Variants in RGS6 observed in about 807,000 individuals in gnomAD.
The protein encoded by RGS6 is regulator of G-protein signaling 6.
RGS6 carries 30 observed loss-of-function variants against 78.5 expected under a neutral mutation model. The ratio of observed to expected loss-of-function variants is 0.38; its 90% CI spans 0.29 to 0.52. The LOEUF (loss-of-function observed/expected upper bound fraction) is 0.52, where lower values mean the gene tolerates loss of function less well. RGS6 is among the 20% of genes least tolerant of loss of function. The pLI, the probability that RGS6 is intolerant of heterozygous loss-of-function variation, is 0.85. For missense variants in RGS6, 495 were observed against 609.7 expected, an observed-to-expected ratio of 0.81 and a Z score of 1.98; for synonymous variants, 206 against 206.0, an observed-to-expected ratio of 1.00 and a Z score of 0.00.
At chr14:72,417,471 T>A (rs2093898873) in intron 3 of RGS6, among the ~76,000 whole-genome samples, 1 of 152,096 alleles carries the variant, frequency 6.6e-6, no homozygotes, top group East Asian at 1.9e-4. Flanking sequence ...GGCTGAAGAT[T>A]TGGGCCGTCT....
chr14:72,232,355 A>G (rs1254551294), intron 2 of RGS6, among the ~76,000 whole-genome samples: 2 of 152,190 alleles, frequency 1.3e-5, no homozygotes, highest in Non-Finnish European at 2.9e-5. Flanking sequence ...GGGTAGAAAG[A>G]GGAGCATTAG....
chr14:72,011,656 G>A (rs1390174261), intron 2 of RGS6, among the ~76,000 whole-genome samples: 1 of 152,090 alleles, frequency 6.6e-6, no homozygotes, highest in African/African-American at 2.4e-5. Context: ...ATTGTATTAG[G>A]TATTATAACT....
At chr14:72,109,070 T>TA (rs199774800) in intron 2 of RGS6, among the ~76,000 whole-genome samples, 4 of 151,816 alleles carry the variant, frequency 2.6e-5, no homozygotes, top group Non-Finnish European at 5.9e-5. Context: ...TAATTTTTTT[T>TA]AAAAAACTTG....
intron 2 of RGS6, among the ~76,000 whole-genome samples, chr14:72,334,467 C>G (rs1415491382): frequency 6.6e-6 from 1 of 152,220 alleles, no homozygotes; most frequent in Non-Finnish European, 1.5e-5. Flanking sequence ...TCACCCCTCC[C>G]CCATGAAACC....
At chr14:71,951,563 CATAAT>C (rs1170752892) in intron 1 of RGS6, among the ~76,000 whole-genome samples, 1 of 145,340 alleles carries the variant, frequency 6.9e-6, no homozygotes, top group Admixed American at 6.7e-5. Flanking sequence ...CAGAACTTAA[CATAAT>C]ATATAATTAA....
intron 16 of RGS6, among the ~76,000 whole-genome samples, chr14:72,538,626 C>T (rs928342314): frequency 6.6e-6 from 1 of 152,214 alleles, no homozygotes; most frequent in African/African-American, 2.4e-5. Context: ...CTGACTTGAG[C>T]CAAGTGTATG....
intron 2 of RGS6, among the ~76,000 whole-genome samples, chr14:72,317,430 A>G (rs1447492810): frequency 6.6e-6 from 1 of 152,098 alleles, no homozygotes; most frequent in Non-Finnish European, 1.5e-5. Context: ...TACTTCCTAG[A>G]GAAGCTTCCT....
chr14:72,196,314 GATTA>G (rs1413847817), intron 2 of RGS6, among the ~76,000 whole-genome samples: 7 of 152,120 alleles, frequency 4.6e-5, no homozygotes, highest in Non-Finnish European at 7.4e-5. Context: ...CCAGTTTATG[GATTA>G]ATTATTAAGA....
chr14:72,423,539 A>G (rs1180815924), intron 3 of RGS6, among the ~76,000 whole-genome samples: 1 of 152,356 alleles, frequency 6.6e-6, no homozygotes, highest in East Asian at 1.9e-4. Flanking sequence ...ATGGAGCTGG[A>G]GGCCATTATC....
At chr14:71,878,236 A>G in the RGS6 span, among the ~76,000 whole-genome samples, 1 of 152,202 alleles carries the variant, frequency 6.6e-6, no homozygotes, top group Non-Finnish European at 1.5e-5. Context: ...AAGTCTGCAG[A>G]AGTTTCTGAT....
chr14:71,875,885 C>T, the RGS6 span, among the ~76,000 whole-genome samples: 1 of 152,146 alleles, frequency 6.6e-6, no homozygotes, highest in African/African-American at 2.4e-5. Context: ...TTTATTTCTG[C>T]CTTCATCTCA....
intron 3 of RGS6, among the ~76,000 whole-genome samples, chr14:72,401,521 G>A (rs1448599373): frequency 6.6e-6 from 1 of 151,716 alleles, no homozygotes; most frequent in Non-Finnish European, 1.5e-5. Context: ...CGAGGGAAAG[G>A]GCAAAGAATG....
At chr14:72,540,708 G>A (rs1213787185) in intron 17 of RGS6, 12 of 1,347,110 alleles carry the variant, frequency 8.9e-6, no homozygotes, top group Non-Finnish European at 1.2e-5. Context: ...AGTGTGATAG[G>A]GAGAGGAGGG....
intron 2 of RGS6, among the ~76,000 whole-genome samples, chr14:72,167,624 A>C (rs1292267351): frequency 6.6e-6 from 1 of 152,142 alleles, no homozygotes; most frequent in East Asian, 1.9e-4. Flanking sequence ...TGATCTTCTT[A>C]TTTTACCTTT....
chr14:72,012,218 A>G (rs1264013296), intron 2 of RGS6, among the ~76,000 whole-genome samples: 1 of 152,196 alleles, frequency 6.6e-6, no homozygotes, highest in Non-Finnish European at 1.5e-5. Context: ...AAAAATTTAG[A>G]CAAGCAAAAG....
intron 3 of RGS6, among the ~76,000 whole-genome samples, chr14:72,385,764 A>C (rs923779287): frequency 2.6e-5 from 4 of 152,010 alleles, no homozygotes; most frequent in Non-Finnish European, 5.9e-5. Context: ...CTTGACTTTC[A>C]CCTTCAATGT....
At chr14:72,217,659 A>C (rs1461396046) in intron 2 of RGS6, among the ~76,000 whole-genome samples, 1 of 152,208 alleles carries the variant, frequency 6.6e-6, no homozygotes, top group Non-Finnish European at 1.5e-5. Context: ...ACCCTGAGGT[A>C]GCAATACTAG....
intron 2 of RGS6, among the ~76,000 whole-genome samples, chr14:72,334,321 C>T (rs1051534312): frequency 7.9e-5 from 12 of 152,202 alleles, no homozygotes; most frequent in African/African-American, 1.7e-4. Context: ...CTCCTAGCTG[C>T]GGAAAGAGCC....
chr14:71,982,011 G>T (rs1456102031), intron 2 of RGS6, among the ~76,000 whole-genome samples: 1 of 152,124 alleles, frequency 6.6e-6, no homozygotes, highest in Admixed American at 6.5e-5. Flanking sequence ...TAAGCCCGTC[G>T]GAAAAGCGCA....
Sources: allele counts gnomAD v4.1 joint callset (sites outside exome capture counted in the v4.1 genomes callset), GRCh38; gene constraint gnomAD v4.1.1; transcripts MANE v1.5; gene names NCBI Gene and HGNC (gene_info 2026-07-23, HGNC 2026-07-21).